Variants in CYTH1 observed in about 807,000 individuals in gnomAD.
CYTH1 encodes the protein cytohesin-1.
Under a neutral mutation model 61.8 loss-of-function variants are expected in CYTH1, and 18 were observed. That is an observed-to-expected ratio of 0.29 (90% CI 0.20 to 0.43). The LOEUF (loss-of-function observed/expected upper bound fraction) is 0.43, where lower values mean the gene tolerates loss of function less well. Ranked by LOEUF, CYTH1 falls within the 20% of genes least tolerant of loss-of-function variation. The pLI is 1.00. For missense variants in CYTH1, 336 were observed against 510.5 expected (o/e 0.66, Z 3.29); for synonymous variants, 174 against 184.3 (o/e 0.94, Z 0.45).
At chr17:78,725,461 G>A (rs1034679174) in intron 1 of CYTH1, among the ~76,000 whole-genome samples, 1 of 152,138 alleles carries the variant, frequency 6.6e-6, no homozygotes, top group African/African-American at 2.4e-5. Context: ...TATTCTCATA[G>A]CACTTTTCAT....
intron 11 of CYTH1, among the ~76,000 whole-genome samples, chr17:78,687,963 T>C (rs559579973): frequency 1.3e-5 from 2 of 152,320 alleles, no homozygotes; most frequent in African/African-American, 2.4e-5. Flanking sequence ...AGAAGCCGTG[T>C]GTGCTCTGCG....
chr17:78,738,931 T>C (rs755225183), intron 1 of CYTH1, among the ~76,000 whole-genome samples: 14 of 152,236 alleles, frequency 9.2e-5, no homozygotes, highest in Non-Finnish European at 2.1e-4. Flanking sequence ...CTTAAAGCTT[T>C]CACAGATGCT....
At chr17:78,763,057 C>A (rs1261933172) in intron 1 of CYTH1, among the ~76,000 whole-genome samples, 1 of 152,098 alleles carries the variant, frequency 6.6e-6, no homozygotes, top group South Asian at 2.1e-4. Flanking sequence ...CAAAAAAAGA[C>A]TTTTGGCCAG....
chr17:78,705,562 C>G (rs574652211), intron 3 of CYTH1, among the ~76,000 whole-genome samples: 212 of 152,190 alleles, frequency 1.4e-3, no homozygotes, highest in African/African-American at 4.5e-3. Flanking sequence ...ATCATTCCTA[C>G]AAAATGCATC....
At chr17:78,685,203 CAAAAA>C (rs58642161) in intron 11 of CYTH1, among the ~76,000 whole-genome samples, 1 of 60,444 alleles carries the variant, frequency 1.7e-5, no homozygotes, top group Non-Finnish European at 3.3e-5. Flanking sequence ...GACTCTGTCT[CAAAAA>C]AAAAAAAAAA....
intron 1 of CYTH1, among the ~76,000 whole-genome samples, chr17:78,781,182 A>AG (rs2144793450): frequency 7.6e-6 from 1 of 132,116 alleles, no homozygotes; most frequent in East Asian, 2.2e-4. Flanking sequence ...AAAAAAAAAA[A>AG]AAAAGAAAAA....
At chr17:78,759,897 G>GA (rs943596025) in intron 1 of CYTH1, among the ~76,000 whole-genome samples, 11 of 152,174 alleles carry the variant, frequency 7.2e-5, no homozygotes, top group African/African-American at 2.7e-4. Flanking sequence ...TCTGAAGCGT[G>GA]AGTTTCCACA....
chr17:78,777,662 A>G (rs1238310911), intron 1 of CYTH1, among the ~76,000 whole-genome samples: 1 of 151,966 alleles, frequency 6.6e-6, no homozygotes, highest in Non-Finnish European at 1.5e-5. Context: ...ACTAAAAGGT[A>G]GCCAGGAAAT....
chr17:78,693,653 A>AT (rs1452972388), intron 10 of CYTH1, among the ~76,000 whole-genome samples: 1 of 151,526 alleles, frequency 6.6e-6, no homozygotes, highest in African/African-American at 2.4e-5. Flanking sequence ...AAAAAAAAAA[A>AT]GTTGGGGTTG....
At chr17:78,778,637 CAAAAAAAAAAAAA>C (rs71309108) in intron 1 of CYTH1, among the ~76,000 whole-genome samples, 6 of 64,216 alleles carry the variant, frequency 9.3e-5, no homozygotes, top group East Asian at 4.5e-4. Context: ...GACTCCATCT[CAAAAAAAAAAAAA>C]AAAAAAAAAA....
chr17:78,754,138 GAAGC>G (rs942341886), intron 1 of CYTH1, among the ~76,000 whole-genome samples: 25 of 152,144 alleles, frequency 1.6e-4, no homozygotes, highest in African/African-American at 5.8e-4. Context: ...CGGCTACTGA[GAAGC>G]AGCGCATCTA....
At chr17:78,696,299 C>T (rs746944411) in intron 9 of CYTH1, among the ~76,000 whole-genome samples, 30 of 152,326 alleles carry the variant, frequency 2.0e-4, no homozygotes, top group Admixed American at 3.3e-4. Flanking sequence ...TGCCACAAAT[C>T]GGCTTTTACA....
chr17:78,718,827 T>C (rs1369956476), intron 1 of CYTH1, among the ~76,000 whole-genome samples: 1 of 152,212 alleles, frequency 6.6e-6, no homozygotes, highest in Non-Finnish European at 1.5e-5. Context: ...TGAGCACAAA[T>C]AGGTGCCCAA....
Position 78,698,968 on chromosome 17 carries a change from T to G in CYTH1, c.551A>C (p.Asp184Ala). The change falls in exon 8 of 14, where the codon GAT becomes GCT. Residue 184 changes from aspartate (D) to alanine (A), a missense_variant and splice_region_variant. This residue lies in a region of CYTH1 where 125 missense variants were observed against 209.9 expected (regional missense o/e 0.60). Coordinates refer to ENST00000446868, the MANE Select transcript of CYTH1 (RefSeq NM_004762.6). ...QCNNGVFQSTDTCYVLSFAII... is the reference protein window; with the variant it reads ...QCNNGVFQSTATCYVLSFAII... ...GGCAAAGGAGAGGACGTAACAAGTA[T>G]CTAAAGATGAGAGAAAAGCAAAGGG... 6.2e-7 allele frequency: 1 copy of G among 1,609,584 alleles called. No homozygotes were observed. The highest frequency in any genetic ancestry group is 2.2e-5 in the East Asian group (1 of 44,534).
At chr17:78,676,457 T>C (rs1255034572) in intron 13 of CYTH1, 3 of 432,306 alleles carry the variant, frequency 6.9e-6, no homozygotes, top group East Asian at 4.5e-5. Context: ...TACCACATTC[T>C]TACAGCTATA....
rs2092685408 is a variant in CYTH1 at position 78,675,255 on chromosome 17, A to G, written c.*836T>C. The G allele has an allele frequency of 1.3e-5, 2 of 152,258 alleles. No homozygotes were observed. The highest frequency in any genetic ancestry group is 1.3e-4 in the Admixed American group (2 of 15,282). 9.4% of individuals were successfully genotyped at this position (152,258 alleles called of 1,614,324 possible). On this transcript the variant is annotated 3_prime_UTR_variant, in exon 14 of 14. Coordinates refer to ENST00000446868, the MANE Select transcript of CYTH1 (RefSeq NM_004762.6). ...ACAAGAACTTGGATTCTGAAGGAGG[A>G]AAATAACGTAAGCGTCCAGTCAGCT...
chr17:78,741,016 C>G (rs1458765570), intron 1 of CYTH1, among the ~76,000 whole-genome samples: 1 of 152,148 alleles, frequency 6.6e-6, no homozygotes, highest in African/African-American at 2.4e-5. Context: ...CGGAAACATA[C>G]AGGAGCTAGC....
chr17:78,684,277 G>A (rs910939563), intron 11 of CYTH1, among the ~76,000 whole-genome samples: 1 of 152,164 alleles, frequency 6.6e-6, no homozygotes, highest in East Asian at 1.9e-4. Flanking sequence ...AGGTGCTCAC[G>A]CTATCCCTCA....
At chr17:78,684,565 G>A (rs560898457) in intron 11 of CYTH1, among the ~76,000 whole-genome samples, 10 of 152,238 alleles carry the variant, frequency 6.6e-5, no homozygotes, top group Admixed American at 4.6e-4. Context: ...GTAAAAATAC[G>A]AATTGCTTAT....
Sources: gnomAD v4.1 joint callset for allele counts (sites outside exome capture counted in the v4.1 genomes callset) on GRCh38, gnomAD v4.1.1 for gene constraint, gnomAD v4.1.1 regional missense constraint, MANE v1.5 for transcripts, NCBI Gene and HGNC (gene_info 2026-07-23, HGNC 2026-07-21) for gene names.